The following FHAD1 variants were observed in gnomAD, a reference collection of about 807,000 sequenced individuals.
FHAD1 encodes forkhead-associated domain-containing protein 1.
Under a neutral mutation model 191.3 loss-of-function variants are expected in FHAD1, and 146 were observed. That is an observed-to-expected ratio of 0.76 (90% CI 0.67 to 0.88). The LOEUF (loss-of-function observed/expected upper bound fraction) is 0.88. Ranked by LOEUF, FHAD1 falls within the 40% of genes least tolerant of loss-of-function variation. FHAD1 has a pLI of 0.00. For synonymous variants in FHAD1, 616 were observed against 672.3 expected (o/e 0.92, Z 1.29); for missense variants, 1,635 against 1,785.8 (o/e 0.92, Z 1.52).
rs550826611 is a variant in FHAD1 at position 15,247,948 on chromosome 1, G to C, written c.-15+553G>C. Among the ~76,000 whole-genome samples, 23 of 152,182 alleles carry C rather than the reference G, an allele frequency of 1.5e-4. No individual in the cohort carries two copies. The South Asian group carries it at 4.6e-3, about 30-fold the overall frequency. ...TTAGAACTAATTTACAGAGTTTAAC[G>C]CATCTAATCACTTTCTACAGTGTTT... is the stretch of plus-strand genomic sequence containing the variant. On this transcript the variant is annotated intron_variant, in intron 1 of 33. Transcript: ENST00000688493.
intron 20 of FHAD1, chr1:15,357,905 A>G (rs1015405351): frequency 2.1e-6 from 1 of 481,966 alleles, no homozygotes; most frequent in African/African-American, 2.0e-5. Context: ...CAGAAATCAC[A>G]AGGAGACAGA....
chr1:15,308,223 A>C (rs537274400), intron 6 of FHAD1, among the ~76,000 whole-genome samples: 1 of 152,172 alleles, frequency 6.6e-6, no homozygotes, highest in South Asian at 2.1e-4. Context: ...TGAGGGAATT[A>C]ATTTTATAAC....
chr1:15,306,278 A>G (rs771398679), intron 6 of FHAD1, among the ~76,000 whole-genome samples: 9 of 152,238 alleles, frequency 5.9e-5, no homozygotes, highest in Non-Finnish European at 1.3e-4. Flanking sequence ...TCTAAGCAGC[A>G]AAGCATTCAA....
chr1:15,352,895 G>A lies in FHAD1; in HGVS notation c.2473G>A (p.Ala825Thr). 6.4e-7 allele frequency: 1 copy of A among 1,551,414 alleles called. No homozygotes were observed. ...CTTCCAGATCTCAGAGAGCAACATT[G>A]CGTACGAGAAACGCAAAGCAAAGGA... ...QQKEISESNI[A>T]YEKRKAKEAM... Residue 825 changes from alanine to threonine, a missense_variant, in exon 20 of 34, where the codon GCG becomes ACG. Physicochemically the swap from Ala to Thr is moderately conservative, Grantham distance 58. Transcript: ENST00000688493.
intron 4 of FHAD1, among the ~76,000 whole-genome samples, chr1:15,296,086 A>AAGAT (rs1439530637): frequency 6.6e-6 from 1 of 152,192 alleles, no homozygotes; most frequent in Non-Finnish European, 1.5e-5. Flanking sequence ...CGATCTGCCC[A>AAGAT]AGATCACCAG....
At chr1:15,277,045 TC>T (rs1658650604) in intron 3 of FHAD1, among the ~76,000 whole-genome samples, 1 of 152,190 alleles carries the variant, frequency 6.6e-6, no homozygotes, top group African/African-American at 2.4e-5. Context: ...CTTGTTGGTT[TC>T]TTTAGTGCTT....
At position 15,381,563 on chromosome 1, in the gene FHAD1, T is replaced by C. The variant is rs1325038133; in HGVS notation, c.4022+112T>C. On this transcript the variant is annotated intron_variant, in intron 30 of 33. Transcript: ENST00000688493. This position sits in a 1 kb window ranked among gnomAD's most constrained non-coding sequence, Gnocchi z 4.6. ...TGGGACAGGAGGACAGAGACCCACG[T>C]GTGGAATACCTGCAATGTCAGAAGG... 1.3e-6 allele frequency: 1 copy of C among 775,972 alleles called. No homozygotes were observed. Among genetic ancestry groups the C allele is most frequent in the Non-Finnish European group, 2.1e-6 (1 of 476,440 alleles). The allele number at this position is 775,972 out of a possible 1,614,324, so 48.1% of individuals were successfully genotyped here. A position where few individuals can be genotyped will look rare whatever the true frequency, so the allele number is the denominator to read the frequency against.
In FHAD1 at chr1:15,289,675, C is replaced by A; in HGVS notation, c.568+9C>A. ...ACCCGTCATCAAGCAAGGTATGCGT[C>A]AGGGCTGCCATTGGTGGCTTGGGGG... On this transcript the variant is annotated intron_variant, in intron 4 of 33. Coordinates refer to ENST00000688493, the MANE Select transcript of FHAD1 (RefSeq NM_001391957.1). The surrounding 1 kb of genome is among the most constrained non-coding windows in gnomAD (Gnocchi z 4.2). 1 of 1,539,732 alleles carries A rather than the reference C, an allele frequency of 6.5e-7. No homozygotes were observed. The highest frequency in any genetic ancestry group is 1.2e-5 in the South Asian group (1 of 83,702).
At position 15,386,772 on chromosome 1, in the gene FHAD1, G is replaced by C. The variant is rs186473182; in HGVS notation, c.4189-1279G>C. On this transcript the variant is annotated intron_variant, in intron 31 of 33. Coordinates refer to ENST00000688493, the MANE Select transcript of FHAD1 (RefSeq NM_001391957.1). ...ACCCACAGGAGTCAATCCCGTGAAG[G>C]CATGCATATAAAACCCTTAGCGAAC... 3.9e-5 allele frequency among the ~76,000 whole-genome samples: 6 copies of C among 152,178 alleles called. No individual in the cohort carries two copies. The East Asian group carries it at 9.6e-4, about 24-fold the overall frequency.
At chr1:15,355,746 C>T (rs1692520579) in intron 20 of FHAD1, among the ~76,000 whole-genome samples, 1 of 152,164 alleles carries the variant, frequency 6.6e-6, no homozygotes, top group Admixed American at 6.5e-5. Flanking sequence ...AATATCCCAA[C>T]AGTAACAGCA....
At chr1:15,237,015 C>T (rs1044250236) in intron 1 of FHAD1, among the ~76,000 whole-genome samples, 1 of 152,186 alleles carries the variant, frequency 6.6e-6, no homozygotes, top group African/African-American at 2.4e-5. Context: ...CTGCTCCTTG[C>T]TGCCGCCATG....
At position 15,296,753 on chromosome 1, in the gene FHAD1, C is replaced by G. The variant is rs549231708; in HGVS notation, c.638C>G (p.Ala213Gly). 6.4e-7 allele frequency: 1 copy of G among 1,551,748 alleles called. No individual in the cohort carries two copies. The highest frequency in any genetic ancestry group is 1.2e-5 in the South Asian group (1 of 84,058). Residue 213 changes from alanine to glycine, a missense_variant, in exon 5 of 34, where the codon GCG becomes GGG. Ala to Gly is a moderately conservative substitution (Grantham distance 60). Transcript: ENST00000688493. The stretch of plus-strand genomic sequence containing the variant: ...GGGATTCCTGGGGCAGTTCCCCCTG[C>G]GGAGATTTATGTGGAGGAGGACTTG... ...AEGIPGAVPP[A>G]EIYVEEDLAQ...
intron 10 of FHAD1, among the ~76,000 whole-genome samples, chr1:15,319,594 C>CA (rs1558098780): frequency 6.6e-6 from 1 of 151,776 alleles, no homozygotes; most frequent in Non-Finnish European, 1.5e-5. Flanking sequence ...GCCCTGTCTA[C>CA]AAAAAATTAA....
intron 10 of FHAD1, among the ~76,000 whole-genome samples, chr1:15,321,474 T>G (rs1558103297): frequency 6.6e-6 from 1 of 152,226 alleles, no homozygotes; most frequent in Non-Finnish European, 1.5e-5. Context: ...ACACAATGAC[T>G]TAGAGATTGA....
At chr1:15,279,554 CAAAAAA>C (rs57662759) in intron 3 of FHAD1, among the ~76,000 whole-genome samples, 1 of 96,878 alleles carries the variant, frequency 1.0e-5, no homozygotes. Flanking sequence ...CCTTAAAACT[CAAAAAA>C]AAAAAAAAAA....
chr1:15,282,120 T>A (rs1166009172), intron 3 of FHAD1, among the ~76,000 whole-genome samples: 5 of 152,176 alleles, frequency 3.3e-5, no homozygotes, highest in African/African-American at 1.2e-4. Flanking sequence ...AGGCTCATAG[T>A]GTATTCTCCC....
intron 12 of FHAD1, 118 bp from the exon 13 acceptor site, chr1:15,328,159 G>A (rs769963127): frequency 1.6e-5 from 12 of 765,292 alleles, no homozygotes; most frequent in Non-Finnish European, 2.1e-5. Flanking sequence ...CTGTCCTCCC[G>A]TGCTTAGACA....
intron 26 of FHAD1, among the ~76,000 whole-genome samples, chr1:15,372,342 G>A (rs375572678): frequency 4.6e-5 from 7 of 152,304 alleles, no homozygotes; most frequent in Non-Finnish European, 8.8e-5. Flanking sequence ...GCACAGGGCC[G>A]GGGATGTGTC....
intron 28 of FHAD1, among the ~76,000 whole-genome samples, chr1:15,378,453 G>A (rs742364): frequency 0.042 from 6,458 of 152,262 alleles, 458 homozygotes; most frequent in African/African-American, 0.14. Flanking sequence ...TGGTGTGATC[G>A]AACCTGCAGC....
Sources: gnomAD v4.1 joint callset for allele counts (sites outside exome capture counted in the v4.1 genomes callset) on GRCh38, gnomAD v4.1.1 for gene constraint, Gnocchi (gnomAD v3.1) non-coding constraint, MANE v1.5 for transcripts, NCBI Gene and HGNC (gene_info 2026-07-23, HGNC 2026-07-21) for gene names.